Variants in RNF220 observed in about 807,000 individuals in gnomAD.
RNF220 encodes the protein E3 ubiquitin-protein ligase RNF220.
RNF220 carries 7 observed loss-of-function variants against 67.1 expected under a neutral mutation model. The ratio of observed to expected loss-of-function variants is 0.10; its 90% CI spans 0.06 to 0.20. The LOEUF (loss-of-function observed/expected upper bound fraction) is 0.20, where lower values mean the gene tolerates loss of function less well. Ranked by LOEUF, RNF220 falls within the 10% of genes least tolerant of loss-of-function variation. The pLI, the probability that RNF220 is intolerant of heterozygous loss-of-function variation, is 1.00. For synonymous variants in RNF220, 270 were observed against 283.2 expected (o/e 0.95, Z 0.47); for missense variants, 565 against 740.3 (o/e 0.76, Z 2.75).
chr1:44,587,145 CTTT>C (rs60300155), intron 2 of RNF220, among the ~76,000 whole-genome samples: 2 of 124,122 alleles, frequency 1.6e-5, no homozygotes, highest in African/African-American at 7.0e-5. Context: ...CTTCTTCTTC[CTTT>C]TTTTTTTTTT....
rs1286751055 is a variant in RNF220, at chr1:44,645,335, G to A, written c.1366+59G>A. The A allele has an allele frequency of 3.1e-6, 5 of 1,613,386 alleles. No individual in the cohort carries two copies. Among genetic ancestry groups the A allele is most frequent in the Non-Finnish European group, 4.2e-6 (5 of 1,179,442 alleles). On this transcript the variant is annotated intron_variant, in intron 11 of 14. Coordinates refer to ENST00000361799, the MANE Select transcript of RNF220 (RefSeq NM_018150.4). This position sits in a 1 kb window ranked among gnomAD's most constrained non-coding sequence, Gnocchi z 5.0. ...AGAGGGGGTATCCCTAGATGGTGGT[G>A]ACTGACTCAAGCCCAACCCCTCACC...
At position 44,600,780 on chromosome 1, in the gene RNF220, C is replaced by T. The variant is rs1666865744; in HGVS notation, c.626-13385C>T. On this transcript the variant is annotated intron_variant, in intron 2 of 14. Coordinates refer to ENST00000361799, the MANE Select transcript of RNF220 (RefSeq NM_018150.4). The surrounding 1 kb of genome is among the most constrained non-coding windows in gnomAD (Gnocchi z 4.0). Reference sequence around the variant, plus strand: ...AGGTTGCAGTGAGCTGAGATAGCGCCATTGCACTCCAGCCTGGGCAACAAG... The same window carrying T: ...AGGTTGCAGTGAGCTGAGATAGCGCTATTGCACTCCAGCCTGGGCAACAAG... Among the ~76,000 whole-genome samples the T allele has an allele frequency of 6.6e-6, 1 of 151,718 alleles. No homozygotes were observed. Among genetic ancestry groups the T allele is most frequent in the Non-Finnish European group, 1.5e-5 (1 of 67,958 alleles).
intron 2 of RNF220, among the ~76,000 whole-genome samples, chr1:44,515,664 TA>T (rs1294710635): frequency 1.3e-5 from 2 of 152,172 alleles, no homozygotes; most frequent in Non-Finnish European, 2.9e-5. Flanking sequence ...GGTGCCAGTA[TA>T]GGGGAAAATG....
intron 2 of RNF220, among the ~76,000 whole-genome samples, chr1:44,509,650 G>A (rs1245722279): frequency 6.6e-6 from 1 of 151,878 alleles, no homozygotes; most frequent in Admixed American, 6.5e-5. Context: ...CACTTTGGGA[G>A]CCCAAAGCAG....
intron 2 of RNF220, among the ~76,000 whole-genome samples, chr1:44,573,242 T>G (rs1420946796): frequency 1.3e-5 from 2 of 152,160 alleles, no homozygotes; most frequent in East Asian, 3.8e-4. Context: ...ATGTGTTGGG[T>G]GCCAAGGAGT....
At position 44,505,315 on chromosome 1, in the gene RNF220, G is replaced by A. The variant is rs191067245; in HGVS notation, c.625+92593G>A. Reference sequence around the variant, plus strand: ...CTGGCCAAGTCCACGAGCTTTGTAGGTCCTGGCTGGATTCCCTCTTGGTTA... The same window carrying A: ...CTGGCCAAGTCCACGAGCTTTGTAGATCCTGGCTGGATTCCCTCTTGGTTA... On this transcript the variant is annotated intron_variant, in intron 2 of 14. Coordinates refer to ENST00000361799, the MANE Select transcript of RNF220 (RefSeq NM_018150.4). 9.2e-5 allele frequency among the ~76,000 whole-genome samples: 14 copies of A among 152,334 alleles called. No homozygotes were observed. In the East Asian group the frequency reaches 2.5e-3, roughly 27 times the overall value.
At chr1:44,614,760 G>C (rs1168259357) in intron 3 of RNF220, among the ~76,000 whole-genome samples, 1 of 151,962 alleles carries the variant, frequency 6.6e-6, no homozygotes, top group East Asian at 1.9e-4. Context: ...GTCCCCCACT[G>C]TCCCACCCCA....
chr1:44,513,702 C>T (rs1192289399), intron 2 of RNF220, among the ~76,000 whole-genome samples: 1 of 152,128 alleles, frequency 6.6e-6, no homozygotes, highest in African/African-American at 2.4e-5. Context: ...TATATGTTTT[C>T]GGGGTGAAAA....
chr1:44,613,277 T>C, intron 2 of RNF220, among the ~76,000 whole-genome samples: 1 of 147,772 alleles, frequency 6.8e-6, no homozygotes, highest in African/African-American at 2.5e-5. Flanking sequence ...AGAGCATCCA[T>C]GGATATGCAG....
At chr1:44,577,239 C>T (rs1475902327) in intron 2 of RNF220, among the ~76,000 whole-genome samples, 4 of 152,202 alleles carry the variant, frequency 2.6e-5, no homozygotes, top group African/African-American at 9.6e-5. Context: ...TCGGCCACTG[C>T]CCAAGTACAA....
intron 12 of RNF220, chr1:44,648,246 A>G (rs976373780): frequency 6.6e-6 from 1 of 152,230 alleles, no homozygotes; most frequent in Non-Finnish European, 1.5e-5. Context: ...CAAGCTACTT[A>G]ATCTTTCTGT....
At chr1:44,409,545 A>G (rs1187340563) in intron 1 of RNF220, among the ~76,000 whole-genome samples, 20 of 152,242 alleles carry the variant, frequency 1.3e-4, no homozygotes, top group East Asian at 7.7e-4. Flanking sequence ...ATTAATGTCA[A>G]TTCCACTGCT....
intron 2 of RNF220, among the ~76,000 whole-genome samples, chr1:44,469,877 T>C (rs1034443332): frequency 5.9e-5 from 9 of 152,054 alleles, no homozygotes; most frequent in Non-Finnish European, 1.0e-4. Context: ...AGACTGAAAA[T>C]AGTATGAAAG....
chr1:44,613,248 T>A (rs12748296), intron 2 of RNF220, among the ~76,000 whole-genome samples: 37 of 122,652 alleles, frequency 3.0e-4, no homozygotes, highest in East Asian at 4.7e-4. Flanking sequence ...TCAACCCCAC[T>A]CCTGTAAGCA....
In RNF220 at chr1:44,496,778, C is replaced by G. The variant is rs149200519; in HGVS notation, c.625+84056C>G. ...CCCCCCAGCACTGAAACAGCCTCCC[C>G]GTCCTCCTAGCAAGTTGCTAAAATT... On this transcript the variant is annotated intron_variant, in intron 2 of 14. Coordinates refer to ENST00000361799, the MANE Select transcript of RNF220 (RefSeq NM_018150.4). Among the ~76,000 whole-genome samples the G allele has an allele frequency of 5.4e-3, 819 of 152,294 alleles. 9 individuals carry two copies. The highest frequency in any genetic ancestry group is 0.018 in the African/African-American group (764 of 41,554).
chr1:44,576,728 A>G (rs148923757), intron 2 of RNF220, among the ~76,000 whole-genome samples: 2,574 of 152,272 alleles, frequency 0.017, 38 homozygotes, highest in Middle Eastern at 0.071. Context: ...AAAAGGGGGG[A>G]AAAAAGCTGA....
At chr1:44,441,457 A>T (rs1433203166) in intron 2 of RNF220, among the ~76,000 whole-genome samples, 1 of 152,258 alleles carries the variant, frequency 6.6e-6, no homozygotes, top group Non-Finnish European at 1.5e-5. Flanking sequence ...AAAATGCATG[A>T]TCATACAGAA....
At chr1:44,638,143 G>C (rs973819343) in intron 8 of RNF220, among the ~76,000 whole-genome samples, 10 of 152,224 alleles carry the variant, frequency 6.6e-5, no homozygotes, top group Admixed American at 5.9e-4. Flanking sequence ...TACCCTCCCT[G>C]GCCAGGACTG....
chr1:44,528,840 CT>C (rs1660612181), intron 2 of RNF220, among the ~76,000 whole-genome samples: 1 of 150,220 alleles, frequency 6.7e-6, no homozygotes, highest in African/African-American at 2.5e-5. Context: ...TCTTTAACTC[CT>C]GACCTCAGGC....
Sources: allele counts gnomAD v4.1 joint callset (sites outside exome capture counted in the v4.1 genomes callset), GRCh38; gene constraint gnomAD v4.1.1; non-coding constraint Gnocchi (gnomAD v3.1); transcripts MANE v1.5; gene names NCBI Gene and HGNC (gene_info 2026-07-23, HGNC 2026-07-21).